The following CHL1 variants were observed in gnomAD, a reference collection of about 807,000 sequenced individuals.
CHL1 encodes cell adhesion molecule L1 like.
A neutral mutation model predicts 141.9 loss-of-function variants in CHL1; 96 were observed. The observed-to-expected ratio is 0.68, with a 90% CI of 0.57 to 0.80. CHL1 has a LOEUF of 0.80. Among genes scored for constraint, CHL1 ranks in the 30% least tolerant of loss-of-function variants. The pLI is 0.00. For missense variants in CHL1, 1,820 were observed against 1,457.2 expected (o/e 1.25, Z -4.05); for synonymous variants, 613 against 502.2 (o/e 1.22, Z -2.95).
At chr3:266,714 C>G (rs1351537431) in intron 2 of CHL1, among the ~76,000 whole-genome samples, 1 of 152,126 alleles carries the variant, frequency 6.6e-6, no homozygotes, top group Non-Finnish European at 1.5e-5. Flanking sequence ...TGGCATTGTC[C>G]TGAGAAATGT....
Position 376,280 on chromosome 3 carries a change from C to G in CHL1, c.1752-1538C>G, listed in dbSNP as rs1338406268. ...CCCCGTGTGTGATTTTCTGTGTGACCCTATGTGTGACAACTATTTGTGATT... is the reference window on the plus strand; with the variant it reads ...CCCCGTGTGTGATTTTCTGTGTGACGCTATGTGTGACAACTATTTGTGATT... On this transcript the variant is annotated intron_variant, in intron 15 of 27. Transcript: ENST00000256509. The G allele has an allele frequency of 9.9e-5, 44 of 443,050 alleles. No individual in the cohort carries two copies. The Admixed American group carries it at 1.0e-3, about 10-fold the overall frequency. The allele number at this position is 443,050 out of a possible 1,614,324, so 27.4% of individuals were successfully genotyped here.
chr3:285,832 A>G (rs2125316167), intron 2 of CHL1, among the ~76,000 whole-genome samples: 1 of 152,240 alleles, frequency 6.6e-6, no homozygotes, highest in African/African-American at 2.4e-5. Context: ...GATCACTGCT[A>G]ATTATGAAAA....
chr3:198,346 C>T (rs1698588959), intron 1 of CHL1, among the ~76,000 whole-genome samples: 1 of 151,900 alleles, frequency 6.6e-6, no homozygotes, highest in Admixed American at 6.6e-5. Flanking sequence ...GGCGCGTGCG[C>T]GAGGGCGCGC....
chr3:389,029 G>A (rs954740930), intron 19 of CHL1, among the ~76,000 whole-genome samples: 1 of 101,870 alleles, frequency 9.8e-6, no homozygotes, highest in Non-Finnish European at 2.2e-5. Context: ...CTGATTGTAG[G>A]CTTCTCGTTA....
intron 5 of CHL1, among the ~76,000 whole-genome samples, chr3:337,185 GTTTTTGTTT>G (rs1471438849): frequency 1.2e-5 from 1 of 81,118 alleles, no homozygotes; most frequent in Non-Finnish European, 2.4e-5. Context: ...ACATTCTTTT[GTTTTTGTTT>G]TTTTTTTTTT....
At chr3:290,754 C>G (rs189962042) in intron 2 of CHL1, among the ~76,000 whole-genome samples, 24 of 151,998 alleles carry the variant, frequency 1.6e-4, no homozygotes, top group African/African-American at 4.8e-4. Context: ...GTGATTGGAG[C>G]TGTAATCACA....
chr3:328,377 C>T (rs1246950483), intron 5 of CHL1, 23 bp downstream of exon 5: 1 of 1,570,830 alleles, frequency 6.4e-7, no homozygotes. Flanking sequence ...ACGGGAATTT[C>T]ATTTTACAAG....
chr3:275,886 AATTG>A, intron 2 of CHL1, among the ~76,000 whole-genome samples: 1 of 152,092 alleles, frequency 6.6e-6, no homozygotes, highest in Non-Finnish European at 1.5e-5. Flanking sequence ...GGATATTATT[AATTG>A]TATATATATA....
chr3:284,191 G>T (rs58142444), intron 2 of CHL1, among the ~76,000 whole-genome samples: 1 of 152,214 alleles, frequency 6.6e-6, no homozygotes, highest in African/African-American at 2.4e-5. Flanking sequence ...TTTACAATAA[G>T]GCAGGAAGTT....
At position 405,673 on chromosome 3, in the gene CHL1, A is replaced by T. The variant is rs1432316302; in HGVS notation, c.3637A>T (p.Asn1213Tyr). Residue 1213 changes from asparagine (N) to tyrosine (Y), a missense_variant, in exon 28 of 28, where the codon AAT (asparagine) becomes TAT (tyrosine). Transcript: ENST00000256509. ...GSKEKGSVES[N>Y]GSSTATFPLR... is the part of the protein sequence containing the mutation. Reference sequence around the variant, plus strand: ...TAAGGAGAAGGGATCTGTTGAAAGCAATGGAAGTTCTACAGCAACTTTTCC... The same window carrying T: ...TAAGGAGAAGGGATCTGTTGAAAGCTATGGAAGTTCTACAGCAACTTTTCC... The T allele has an allele frequency of 6.2e-7, 1 of 1,613,450 alleles. No individual in the cohort carries two copies. Among genetic ancestry groups the T allele is most frequent in the South Asian group, 1.1e-5 (1 of 91,076 alleles).
chr3:226,464 C>T (rs926459558), intron 1 of CHL1, among the ~76,000 whole-genome samples: 1 of 149,278 alleles, frequency 6.7e-6, no homozygotes, highest in Non-Finnish European at 1.5e-5. Context: ...TTTTCTGAGA[C>T]GGAGTTTTGC....
intron 1 of CHL1, among the ~76,000 whole-genome samples, chr3:222,602 A>G (rs185527976): frequency 6.6e-6 from 1 of 152,262 alleles, no homozygotes; most frequent in Non-Finnish European, 1.5e-5. Context: ...GAATAGATGG[A>G]CTTGTAAATG....
intron 22 of CHL1, among the ~76,000 whole-genome samples, chr3:391,438 C>T (rs1708221185): frequency 6.6e-6 from 1 of 152,176 alleles, no homozygotes; most frequent in African/African-American, 2.4e-5. Flanking sequence ...ATCACTTGAA[C>T]CCGGGAGGCG....
intron 2 of CHL1, among the ~76,000 whole-genome samples, chr3:274,851 G>A (rs959328381): frequency 6.6e-6 from 1 of 152,064 alleles, no homozygotes; most frequent in Non-Finnish European, 1.5e-5. Flanking sequence ...TATTATTGAT[G>A]TCTTATTGAA....
At position 390,690 on chromosome 3, in the gene CHL1, A is replaced by C. The variant is rs377111536; in HGVS notation, c.2471-11A>C. 5.5e-6 allele frequency: 8 copies of C among 1,446,524 alleles called. No homozygotes were observed. The highest frequency in any genetic ancestry group is 1.4e-5 in the African/African-American group (1 of 71,352). The allele number at this position is 1,446,524 out of a possible 1,614,324, so 89.6% of individuals were successfully genotyped here. A position where few individuals can be genotyped will look rare whatever the true frequency, so the allele number is the denominator to read the frequency against. ...GTTATTGAAAACTAATCAATCTTCTATGATTAACAGATCCTGATACAGCTC... is the reference window on the plus strand; with the variant it reads ...GTTATTGAAAACTAATCAATCTTCTCTGATTAACAGATCCTGATACAGCTC... On this transcript the variant is annotated splice_polypyrimidine_tract_variant and intron_variant, in intron 20 of 27. Coordinates refer to ENST00000256509, the MANE Select transcript of CHL1 (RefSeq NM_006614.4).
chr3:372,956 A>G (rs1426490302), intron 15 of CHL1, among the ~76,000 whole-genome samples: 1 of 152,144 alleles, frequency 6.6e-6, no homozygotes, highest in Non-Finnish European at 1.5e-5. Flanking sequence ...AGGCTGGAGA[A>G]CAGCCAAGAT....
intron 1 of CHL1, among the ~76,000 whole-genome samples, chr3:223,435 A>T (rs1471721166): frequency 6.6e-6 from 1 of 152,196 alleles, no homozygotes; most frequent in Non-Finnish European, 1.5e-5. Context: ...GAATGTGGTC[A>T]GTTTTGGCAC....
chr3:357,570 A>G (rs1231179966), intron 11 of CHL1, among the ~76,000 whole-genome samples: 1 of 152,188 alleles, frequency 6.6e-6, no homozygotes, highest in African/African-American at 2.4e-5. Flanking sequence ...CCAGAGCTGA[A>G]GTTTCGTCCA....
intron 15 of CHL1, among the ~76,000 whole-genome samples, chr3:369,038 G>C (rs754075627): frequency 7.9e-5 from 12 of 152,092 alleles, no homozygotes; most frequent in Admixed American, 6.5e-5. Flanking sequence ...GATGCCTCCA[G>C]CTTTGTTCTT....
Sources: gnomAD v4.1 joint callset for allele counts (sites outside exome capture counted in the v4.1 genomes callset) on GRCh38, gnomAD v4.1.1 for gene constraint, MANE v1.5 for transcripts, NCBI Gene and HGNC (gene_info 2026-07-23, HGNC 2026-07-21) for gene names.